RPS6KA2: variants seen among roughly 807,000 people sequenced by gnomAD.
The protein encoded by RPS6KA2 is ribosomal protein S6 kinase alpha-2.
In RPS6KA2, 42 loss-of-function variants were observed where a neutral mutation model predicts 91.8. The ratio of observed to expected loss-of-function variants is 0.46; its 90% CI spans 0.36 to 0.59. The LOEUF is 0.59. RPS6KA2 is among the 20% of genes least tolerant of loss of function. The probability of loss-of-function intolerance (pLI) is 0.00; values close to 1 mark genes in which losing one functional copy is unlikely to be tolerated. For synonymous variants in RPS6KA2, 414 were observed against 393.6 expected, an observed-to-expected ratio of 1.05 and a Z score of -0.61; for missense variants, 798 against 978.5, an observed-to-expected ratio of 0.82 and a Z score of 2.46.
chr6:166,419,536 T>G lies in RPS6KA2; in HGVS notation c.1820+346A>C, dbSNP rs192191737. On this transcript the variant is annotated intron_variant, in intron 18 of 20. Transcript: ENST00000265678. This position sits in a 1 kb window ranked among gnomAD's most constrained non-coding sequence, Gnocchi z 5.6. ...TGACCCTGAAGCTGCTATGGGGCTT[T>G]CGGTTTAAGAGGATGTCTGGAAGGC... Among the ~76,000 whole-genome samples, 108 of 152,338 alleles carry G rather than the reference T, an allele frequency of 7.1e-4. No individual in the cohort carries two copies. Among genetic ancestry groups the G allele is most frequent in the Non-Finnish European group, 1.8e-4 (12 of 68,032 alleles).
At position 166,626,968 on chromosome 6, in the gene RPS6KA2, G is replaced by T; in HGVS notation, c.52C>A (p.Leu18Met). 6.4e-7 allele frequency: 1 copy of T among 1,566,492 alleles called. No homozygotes were observed. Among genetic ancestry groups the T allele is most frequent in the Non-Finnish European group, 8.7e-7 (1 of 1,156,068 alleles). ...FAVRRFFSVY[L>M]RRKSRSKSSS... ...CTCTTGGAGCGCGACTTCCTGCGCA[G>T]GTACACAGAGAAGAACCTGCGCACG... The change falls in exon 1 of 21, where the codon CTG becomes ATG. Residue 18 changes from leucine (L) to methionine (M), a missense_variant. Leu to Met is a conservative substitution (Grantham distance 15). Coordinates refer to ENST00000265678, the MANE Select transcript of RPS6KA2 (RefSeq NM_021135.6). This position sits in a 1 kb window ranked among gnomAD's most constrained non-coding sequence, Gnocchi z 4.1.
At chr6:166,597,099 C>T (rs965791214) in intron 1 of RPS6KA2, among the ~76,000 whole-genome samples, 14 of 152,094 alleles carry the variant, frequency 9.2e-5, no homozygotes, top group African/African-American at 3.4e-4. Flanking sequence ...ATGGTGTTCA[C>T]CCACGAAAAC....
At chr6:166,549,001 A>C (rs1783913761) in intron 1 of RPS6KA2, among the ~76,000 whole-genome samples, 1 of 152,256 alleles carries the variant, frequency 6.6e-6, no homozygotes, top group Non-Finnish European at 1.5e-5. Context: ...AAAACAATCC[A>C]TTAGAAAATG....
At chr6:166,436,457 A>G (rs963128490) in intron 14 of RPS6KA2, among the ~76,000 whole-genome samples, 2 of 152,214 alleles carry the variant, frequency 1.3e-5, no homozygotes. Context: ...CCTTGGGGGC[A>G]GTCCTGGCTC....
intron 2 of RPS6KA2, among the ~76,000 whole-genome samples, chr6:166,833,244 A>G (rs2128627175): frequency 6.6e-6 from 1 of 152,372 alleles, no homozygotes; most frequent in East Asian, 1.9e-4. Context: ...CTTAGCCAAC[A>G]AAGGAAGGCA....
At chr6:166,824,843 TTGTG>T (rs1300630004) in intron 2 of RPS6KA2, among the ~76,000 whole-genome samples, 16 of 114,792 alleles carry the variant, frequency 1.4e-4, no homozygotes, top group South Asian at 6.1e-4. Flanking sequence ...GTGTGTATGC[TTGTG>T]TGTGTATCTA....
intron 2 of RPS6KA2, chr6:166,757,518 C>T (rs1248696302): frequency 6.6e-6 from 3 of 456,152 alleles, no homozygotes; most frequent in African/African-American, 4.0e-5. Context: ...CCTGCGAGCC[C>T]TCCCTTACCT....
intron 10 of RPS6KA2, chr6:166,475,673 T>A (rs2128467392): frequency 2.2e-6 from 1 of 446,754 alleles, no homozygotes; most frequent in Non-Finnish European, 4.6e-6. Flanking sequence ...TCAGTACACA[T>A]TCACTGAACA....
chr6:166,678,751 G>T (rs1426523082), intron 2 of RPS6KA2, among the ~76,000 whole-genome samples: 2 of 152,206 alleles, frequency 1.3e-5, no homozygotes, highest in Non-Finnish European at 2.9e-5. Flanking sequence ...ACAAAGAAAG[G>T]GGGCTCAAAA....
rs1326822431 is a variant in RPS6KA2, at chr6:166,718,302, G to T, written c.123+139898C>A. 2.6e-5 allele frequency among the ~76,000 whole-genome samples: 4 copies of T among 152,298 alleles called. No homozygotes were observed. In the East Asian group the frequency reaches 7.7e-4, roughly 29 times the overall value. On this transcript the variant is annotated intron_variant, in intron 2 of 21. Coordinates refer to the RPS6KA2 transcript ENST00000503859. The stretch of plus-strand genomic sequence containing the variant: ...AGACTGGCAGATAGCAGTTATCAGA[G>T]GCTGGCATGGGGGGAGGTTAGTCCC...
intron 2 of RPS6KA2, among the ~76,000 whole-genome samples, chr6:166,697,614 G>A (rs1316498484): frequency 6.6e-6 from 1 of 152,200 alleles, no homozygotes; most frequent in Non-Finnish European, 1.5e-5. Flanking sequence ...AAGATGGAGG[G>A]AACCTTGGTT....
exon 1 of RPS6KA2, chr6:166,862,162 G>A: frequency 6.2e-7 from 1 of 1,614,188 alleles, no homozygotes; most frequent in Non-Finnish European, 8.5e-7. Context: ...GCAACTGTGC[G>A]ATTGGCATTT....
intron 2 of RPS6KA2, among the ~76,000 whole-genome samples, chr6:166,787,263 G>T (rs180768259): frequency 1.3e-5 from 2 of 151,806 alleles, no homozygotes; most frequent in Admixed American, 6.6e-5. Context: ...CAACAATAGG[G>T]GATTGTACTA....
chr6:166,439,336 G>A (rs1350094330), intron 14 of RPS6KA2, among the ~76,000 whole-genome samples: 1 of 152,234 alleles, frequency 6.6e-6, no homozygotes, highest in Non-Finnish European at 1.5e-5. Flanking sequence ...TCGAACTCCT[G>A]ACCTCAGGTG....
At chr6:166,792,969 A>G (rs1779131771) in intron 2 of RPS6KA2, among the ~76,000 whole-genome samples, 1 of 151,872 alleles carries the variant, frequency 6.6e-6, no homozygotes, top group Non-Finnish European at 1.5e-5. Flanking sequence ...CTCTCTCACC[A>G]CTCCTAGTCA....
At chr6:166,824,990 T>C (rs1400910388) in intron 2 of RPS6KA2, among the ~76,000 whole-genome samples, 1 of 152,240 alleles carries the variant, frequency 6.6e-6, no homozygotes, top group Non-Finnish European at 1.5e-5. Context: ...GGGTGCTAAC[T>C]TGAAGCCATG....
chr6:166,690,482 C>T (rs902067361), intron 2 of RPS6KA2, among the ~76,000 whole-genome samples: 1 of 152,208 alleles, frequency 6.6e-6, no homozygotes, highest in Non-Finnish European at 1.5e-5. Context: ...AATTATGTCT[C>T]AAGGTGCCAA....
intron 2 of RPS6KA2, among the ~76,000 whole-genome samples, chr6:166,753,236 G>A (rs947505631): frequency 2.0e-5 from 3 of 152,152 alleles, no homozygotes; most frequent in Non-Finnish European, 2.9e-5. Flanking sequence ...AAGAATCTAC[G>A]CAAGGGAAGA....
At chr6:166,438,965 C>T (rs1314613401) in intron 14 of RPS6KA2, among the ~76,000 whole-genome samples, 1 of 152,162 alleles carries the variant, frequency 6.6e-6, no homozygotes, top group Non-Finnish European at 1.5e-5. Flanking sequence ...GCTTCCTGAA[C>T]AAGGGGATTG....
Sources: allele counts gnomAD v4.1 joint callset (sites outside exome capture counted in the v4.1 genomes callset), GRCh38; gene constraint gnomAD v4.1.1; non-coding constraint Gnocchi (gnomAD v3.1); transcripts MANE v1.5; gene names NCBI Gene and HGNC (gene_info 2026-07-23, HGNC 2026-07-21).